MET: variants seen among roughly 807,000 people sequenced by gnomAD.
MET encodes the protein MET proto-oncogene, receptor tyrosine kinase.
MET carries 48 observed loss-of-function variants against 133.1 expected under a neutral mutation model. The observed-to-expected ratio is 0.36, with a 90% CI of 0.29 to 0.46. The LOEUF (loss-of-function observed/expected upper bound fraction) is 0.46, where lower values mean the gene tolerates loss of function less well. Among genes scored for constraint, MET ranks in the 20% least tolerant of loss-of-function variants. The pLI, the probability that MET is intolerant of heterozygous loss-of-function variation, is 1.00. For missense variants in MET, 1,442 were observed against 1,695.9 expected, an observed-to-expected ratio of 0.85 and a Z score of 2.63; for synonymous variants, 628 against 616.5, an observed-to-expected ratio of 1.02 and a Z score of -0.28.
chr7:116,740,914 C>T lies in MET; in HGVS notation c.1590C>T (p.Leu530=). ...CRHFQSCSQC[L]SAPPFVQCGW... Reference sequence around the variant, plus strand: ...ATTTCCAGTCCTGCAGTCAATGCCTCTCTGCCCCACCCTTTGTTCAGTGTG... The same window carrying T: ...ATTTCCAGTCCTGCAGTCAATGCCTTTCTGCCCCACCCTTTGTTCAGTGTG... Residue 530 remains leucine, a synonymous_variant, in exon 5 of 21, where the codon CTC becomes CTT. Coordinates refer to ENST00000397752, the MANE Select transcript of MET (RefSeq NM_000245.4). 6.2e-7 allele frequency: 1 copy of T among 1,614,208 alleles called. No homozygotes were observed. The highest frequency in any genetic ancestry group is 2.2e-5 in the East Asian group (1 of 44,876).
At chr7:116,703,548 G>GA (rs1023480123) in intron 2 of MET, among the ~76,000 whole-genome samples, 1 of 151,978 alleles carries the variant, frequency 6.6e-6, no homozygotes, top group African/African-American at 2.4e-5. Context: ...TATGTAGGGA[G>GA]AAAAAACCCT....
intron 15 of MET, among the ~76,000 whole-genome samples, chr7:116,776,191 C>T (rs1363298049): frequency 2.0e-5 from 3 of 152,054 alleles, no homozygotes; most frequent in Admixed American, 6.6e-5. Flanking sequence ...AAGCTGATGG[C>T]GTGATTTCCC....
At chr7:116,716,163 G>A (rs1792183652) in intron 2 of MET, among the ~76,000 whole-genome samples, 1 of 151,828 alleles carries the variant, frequency 6.6e-6, no homozygotes, top group Non-Finnish European at 1.5e-5. Flanking sequence ...GAGGAGGGAG[G>A]ATCTCTTGAG....
At chr7:116,710,366 G>C (rs2116653745) in intron 2 of MET, among the ~76,000 whole-genome samples, 1 of 152,290 alleles carries the variant, frequency 6.6e-6, no homozygotes, top group East Asian at 1.9e-4. Context: ...TGTACAAAGA[G>C]GACCCGCTTT....
At chr7:116,759,245 A>G (rs1417419562) in intron 9 of MET, 146 bp from the exon 10 acceptor site, 1 of 1,209,622 alleles carries the variant, frequency 8.3e-7, no homozygotes. Flanking sequence ...GTTGTTTCCA[A>G]AGAACAGTTA....
chr7:116,705,668 C>T (rs1163002178), intron 2 of MET, among the ~76,000 whole-genome samples: 1 of 152,038 alleles, frequency 6.6e-6, no homozygotes, highest in Non-Finnish European at 1.5e-5. Flanking sequence ...AAAGAAAATC[C>T]TTGAGGTATA....
In MET at chr7:116,679,442, C is replaced by G. The variant is rs1037320468; in HGVS notation, c.-15+6865C>G. ...CTGAAAATAGGAAGGAATTTCTAGA[C>G]TAATTTGATTAAATATTCAGTTGTT... is the stretch of plus-strand genomic sequence containing the variant. On this transcript the variant is annotated intron_variant, in intron 1 of 20. Coordinates refer to ENST00000397752, the MANE Select transcript of MET (RefSeq NM_000245.4). Among the ~76,000 whole-genome samples, 6 of 152,314 alleles carry G rather than the reference C, an allele frequency of 3.9e-5. No homozygotes were observed. The South Asian group carries it at 8.3e-4, about 21-fold the overall frequency.
At chr7:116,792,456 GACACACACACACACACACAC>G (rs56212730) in intron 19 of MET, among the ~76,000 whole-genome samples, 2 of 80,738 alleles carry the variant, frequency 2.5e-5, no homozygotes, top group South Asian at 5.7e-4. Context: ...TCAACCGACA[GACACACACACACACACACAC>G]ACACACACAC....
At chr7:116,754,889 AAG>A (rs1208004319) in intron 5 of MET, among the ~76,000 whole-genome samples, 15 of 108,944 alleles carry the variant, frequency 1.4e-4, no homozygotes, top group African/African-American at 2.8e-4. Context: ...GAGAGAGAGA[AAG>A]AGAGAAAGAA....
intron 1 of MET, among the ~76,000 whole-genome samples, chr7:116,675,964 G>A (rs1385626914): frequency 6.6e-6 from 1 of 152,058 alleles, no homozygotes; most frequent in African/African-American, 2.4e-5. Context: ...TTCCGCTTGG[G>A]ATTTGTTTCA....
chr7:116,696,960 G>A (rs1796986911), intron 1 of MET, among the ~76,000 whole-genome samples: 1 of 152,166 alleles, frequency 6.6e-6, no homozygotes, highest in South Asian at 2.1e-4. Flanking sequence ...TGGCACTAAT[G>A]CTCTGTCTGC....
intron 14 of MET, among the ~76,000 whole-genome samples, chr7:116,772,742 C>G (rs764098545): frequency 2.6e-5 from 4 of 152,152 alleles, no homozygotes; most frequent in Non-Finnish European, 4.4e-5. Context: ...ATTGAGGATA[C>G]TGGAAAAGTT....
At chr7:116,762,825 T>A (rs1277001581) in intron 10 of MET, among the ~76,000 whole-genome samples, 1 of 152,142 alleles carries the variant, frequency 6.6e-6, no homozygotes, top group Non-Finnish European at 1.5e-5. Flanking sequence ...TCAGCACAGT[T>A]TATGCTGGGC....
chr7:116,714,712 T>C (rs1489223290), intron 2 of MET, among the ~76,000 whole-genome samples: 1 of 151,328 alleles, frequency 6.6e-6, no homozygotes, highest in Non-Finnish European at 1.5e-5. Flanking sequence ...TATATTTTTT[T>C]CCCTTTTTAT....
chr7:116,771,481 T>G lies in MET; in HGVS notation c.2731-17T>G. ...ATCATGGCTAAATGCTGACTTTTCT[T>G]TATTTGTCATTTTTAGTGGAAGCAA... On this transcript the variant is annotated splice_polypyrimidine_tract_variant and intron_variant, in intron 12 of 20. Transcript: ENST00000397752. 6.2e-7 allele frequency: 1 copy of G among 1,613,578 alleles called. No homozygotes were observed. The highest frequency in any genetic ancestry group is 8.5e-7 in the Non-Finnish European group (1 of 1,179,584).
intron 5 of MET, among the ~76,000 whole-genome samples, chr7:116,748,291 C>A (rs903594554): frequency 6.6e-6 from 1 of 152,154 alleles, no homozygotes; most frequent in African/African-American, 2.4e-5. Context: ...CAAAACCACA[C>A]AACTACCTGG....
chr7:116,703,736 T>A (rs900451980), intron 2 of MET, among the ~76,000 whole-genome samples: 4 of 152,074 alleles, frequency 2.6e-5, no homozygotes, highest in Non-Finnish European at 4.4e-5. Context: ...CTCCTACAAA[T>A]GAGAATCAAT....
chr7:116,788,559 C>T (rs1378190821), intron 19 of MET, among the ~76,000 whole-genome samples: 1 of 152,176 alleles, frequency 6.6e-6, no homozygotes, highest in African/African-American at 2.4e-5. Flanking sequence ...TGGAAATGTA[C>T]ATAGATTTCT....
At position 116,699,309 on chromosome 7, in the gene MET, G is replaced by A. The variant is rs750820405; in HGVS notation, c.225G>A (p.Glu75=). 6.2e-7 allele frequency: 1 copy of A among 1,614,056 alleles called. No homozygotes were observed. Among genetic ancestry groups the A allele is most frequent in the South Asian group, 1.1e-5 (1 of 91,082 alleles). ...CTAACTACATTTATGTTTTAAATGA[G>A]GAAGACCTTCAGAAGGTTGCTGAGT... The part of the protein sequence containing the change: ...GATNYIYVLN[E]EDLQKVAEYK... Residue 75 remains glutamate, a synonymous_variant, in exon 2 of 21, where the codon GAG becomes GAA. Transcript: ENST00000397752.
Sources: allele counts gnomAD v4.1 joint callset (sites outside exome capture counted in the v4.1 genomes callset), GRCh38; gene constraint gnomAD v4.1.1; transcripts MANE v1.5; gene names NCBI Gene and HGNC (gene_info 2026-07-23, HGNC 2026-07-21).